The following ACSL1 variants were observed in gnomAD, a reference collection of about 807,000 sequenced individuals.
ACSL1 encodes long-chain-fatty-acid--CoA ligase 1.
Under a neutral mutation model 98.4 loss-of-function variants are expected in ACSL1, and 41 were observed. The ratio of observed to expected loss-of-function variants is 0.42; its 90% CI spans 0.32 to 0.54. The LOEUF (loss-of-function observed/expected upper bound fraction) is 0.54, where lower values mean the gene tolerates loss of function less well. ACSL1 is among the 20% of genes least tolerant of loss of function. The pLI, the probability that ACSL1 is intolerant of heterozygous loss-of-function variation, is 0.13. For synonymous variants in ACSL1, 316 were observed against 322.7 expected, an observed-to-expected ratio of 0.98 and a Z score of 0.22; for missense variants, 734 against 883.1, an observed-to-expected ratio of 0.83 and a Z score of 2.14.
chr4:184,816,109 G>A (rs1331448464), intron 1 of ACSL1, among the ~76,000 whole-genome samples: 1 of 151,058 alleles, frequency 6.6e-6, no homozygotes, highest in African/African-American at 2.4e-5. Flanking sequence ...CAACAGAGAC[G>A]CCATCCAAAA....
In ACSL1 at chr4:184,757,431, T is replaced by C. The variant is rs77825760; in HGVS notation, c.1957-166A>G. On this transcript the variant is annotated intron_variant, in intron 20 of 20. Coordinates refer to ENST00000281455, the MANE Select transcript of ACSL1 (RefSeq NM_001995.5). This position sits in a 1 kb window ranked among gnomAD's most constrained non-coding sequence, Gnocchi z 4.5. ...AAGGACAGGCATCCTATTCTTAGGA[T>C]AGGATTCGGGATCATATTCTGATAT... is the stretch of plus-strand genomic sequence containing the variant. 6.6e-5 allele frequency among the ~76,000 whole-genome samples: 10 copies of C among 152,214 alleles called. No homozygotes were observed. Among genetic ancestry groups the C allele is most frequent in the African/African-American group, 2.4e-4 (10 of 41,448 alleles).
Position 184,776,900 on chromosome 4 carries a change from C to T in ACSL1, c.561G>A (p.Thr187=), listed in dbSNP as rs779230125. 1.2e-5 allele frequency: 19 copies of T among 1,613,990 alleles called. No homozygotes were observed. The highest frequency in any genetic ancestry group is 1.1e-4 in the East Asian group (5 of 44,896). ...LYDTLGNEAI[T]YIVNKAELSL... ...CAGACGTACCTTTGTTGACTATGTA[C>T]GTGATGGCTTCATTTCCAAGGGTAT... is the stretch of plus-strand genomic sequence containing the variant. Residue 187 remains threonine, a synonymous_variant, in exon 6 of 21, where the codon ACG becomes ACA. Coordinates refer to ENST00000281455, the MANE Select transcript of ACSL1 (RefSeq NM_001995.5).
Position 184,773,805 on chromosome 4 carries a change from C to T in ACSL1, c.789+38G>A. ...GTACCAGGCTAGATATTGAAAACTA[C>T]AAAGAGGACAGAGCAGGGTCTGACA... is the stretch of plus-strand genomic sequence containing the variant. On this transcript the variant is annotated intron_variant, in intron 8 of 20. Coordinates refer to ENST00000281455, the MANE Select transcript of ACSL1 (RefSeq NM_001995.5). This position sits in a 1 kb window ranked among gnomAD's most constrained non-coding sequence, Gnocchi z 4.3. 1 of 1,613,612 alleles carries T rather than the reference C, an allele frequency of 6.2e-7. No individual in the cohort carries two copies. Among genetic ancestry groups the T allele is most frequent in the South Asian group, 1.1e-5 (1 of 91,058 alleles).
At chr4:184,769,290 C>T (rs1290816296) in intron 11 of ACSL1, among the ~76,000 whole-genome samples, 1 of 152,156 alleles carries the variant, frequency 6.6e-6, no homozygotes, top group Non-Finnish European at 1.5e-5. Flanking sequence ...CTAGAATACA[C>T]TGCATGATTT....
chr4:184,762,282 C>G, intron 17 of ACSL1, 125 bp downstream of exon 17: 2 of 797,680 alleles, frequency 2.5e-6, no homozygotes, highest in South Asian at 3.0e-5. Flanking sequence ...ATACCACTCA[C>G]CAAGGAGGAA....
At chr4:184,772,186 T>C (rs1011139258) in intron 10 of ACSL1, among the ~76,000 whole-genome samples, 1 of 152,238 alleles carries the variant, frequency 6.6e-6, no homozygotes, top group Non-Finnish European at 1.5e-5. Flanking sequence ...TTCACTTTGG[T>C]AAGGTACTAA....
At chr4:184,761,725 T>A (rs1762876897) in intron 17 of ACSL1, among the ~76,000 whole-genome samples, 1 of 152,198 alleles carries the variant, frequency 6.6e-6, no homozygotes, top group African/African-American at 2.4e-5. Context: ...TTCCCCCAGA[T>A]CTTATTTAAC....
intron 3 of ACSL1, chr4:184,788,262 A>G (rs1767740873): frequency 2.7e-6 from 1 of 368,776 alleles, no homozygotes; most frequent in African/African-American, 2.1e-5. Context: ...CTTTCTCAAA[A>G]TATGGGTCTC....
intron 1 of ACSL1, chr4:184,812,357 T>C (rs1338049439): frequency 1.6e-5 from 6 of 380,976 alleles, no homozygotes; most frequent in Non-Finnish European, 2.2e-5. Context: ...ACTGTGTCTC[T>C]GCAGCAAGTC....
intron 1 of ACSL1, among the ~76,000 whole-genome samples, chr4:184,814,290 CAAAAAA>C (rs61541962): frequency 1.5e-5 from 1 of 64,532 alleles, no homozygotes; most frequent in Non-Finnish European, 2.8e-5. Flanking sequence ...GACTCCGCCT[CAAAAAA>C]AAAAAAAAAA....
chr4:184,773,905 T>C lies in ACSL1; in HGVS notation c.757-30A>G. 4.3e-6 allele frequency: 7 copies of C among 1,613,308 alleles called. No homozygotes were observed. The highest frequency in any genetic ancestry group is 5.9e-6 in the Non-Finnish European group (7 of 1,179,576). Reference sequence around the variant, plus strand: ...ATTAGAAGAGAAAAAAAGTCTTAAATGGAAACGTTTTCTAACTGTAAAGGA... The same window carrying C: ...ATTAGAAGAGAAAAAAAGTCTTAAACGGAAACGTTTTCTAACTGTAAAGGA... On this transcript the variant is annotated intron_variant, in intron 7 of 20. Coordinates refer to ENST00000281455, the MANE Select transcript of ACSL1 (RefSeq NM_001995.5). This position sits in a 1 kb window ranked among gnomAD's most constrained non-coding sequence, Gnocchi z 4.3.
intron 10 of ACSL1, among the ~76,000 whole-genome samples, chr4:184,771,892 T>C (rs1764568562): frequency 6.6e-6 from 1 of 152,224 alleles, no homozygotes; most frequent in South Asian, 2.1e-4. Context: ...CTGGATTTTA[T>C]TCAAGTCTGA....
chr4:184,813,182 G>A (rs1772295319), intron 1 of ACSL1, among the ~76,000 whole-genome samples: 1 of 152,318 alleles, frequency 6.6e-6, no homozygotes, highest in African/African-American at 2.4e-5. Context: ...CAGCCTTTGC[G>A]TGGGACAGCA....
At chr4:184,781,581 T>G (rs1423875297) in intron 4 of ACSL1, among the ~76,000 whole-genome samples, 1 of 152,154 alleles carries the variant, frequency 6.6e-6, no homozygotes, top group Non-Finnish European at 1.5e-5. Context: ...GCAGTTATTT[T>G]CTTTTCCTTT....
At chr4:184,812,820 A>C (rs1262682424) in intron 1 of ACSL1, among the ~76,000 whole-genome samples, 1 of 152,132 alleles carries the variant, frequency 6.6e-6, no homozygotes, top group Non-Finnish European at 1.5e-5. Context: ...AGAGCCCCAT[A>C]CCAGGGCTGG....
rs926222925 is a variant in ACSL1 at position 184,769,054 on chromosome 4, G to T, written c.994-604C>A. Among the ~76,000 whole-genome samples the T allele has an allele frequency of 7.9e-4, 98 of 123,416 alleles. 1 individual carries two copies. The highest frequency in any genetic ancestry group is 1.3e-3 in the Non-Finnish European group (79 of 59,804). The allele number at this position is 123,416 out of a possible 152,430, so 81.0% of individuals were successfully genotyped here. Reference sequence around the variant, plus strand: ...ACTGCTCTCCAGCCTGGGCCACGGAGGGAGACTCTGTCTCAAATATATATA... The same window carrying T: ...ACTGCTCTCCAGCCTGGGCCACGGATGGAGACTCTGTCTCAAATATATATA... On this transcript the variant is annotated intron_variant, in intron 11 of 20. Coordinates refer to ENST00000281455, the MANE Select transcript of ACSL1 (RefSeq NM_001995.5).
chr4:184,764,600 T>C (rs1431496914), intron 15 of ACSL1, among the ~76,000 whole-genome samples: 1 of 152,154 alleles, frequency 6.6e-6, no homozygotes, highest in East Asian at 1.9e-4. Context: ...ATGTCACTAG[T>C]AGAGTCTAGG....
chr4:184,797,867 T>G (rs1350993126), intron 2 of ACSL1, among the ~76,000 whole-genome samples: 1 of 152,228 alleles, frequency 6.6e-6, no homozygotes, highest in Non-Finnish European at 1.5e-5. Context: ...TGAGTGAATA[T>G]AGATCTGATA....
chr4:184,795,394 C>T (rs114988044), intron 2 of ACSL1, among the ~76,000 whole-genome samples: 25 of 152,304 alleles, frequency 1.6e-4, no homozygotes, highest in Non-Finnish European at 3.5e-4. Context: ...CTGTGAGAAG[C>T]GACATCATTT....
Sources: gnomAD v4.1 joint callset for allele counts (sites outside exome capture counted in the v4.1 genomes callset) on GRCh38, gnomAD v4.1.1 for gene constraint, Gnocchi (gnomAD v3.1) non-coding constraint, MANE v1.5 for transcripts, NCBI Gene and HGNC (gene_info 2026-07-23, HGNC 2026-07-21) for gene names.